The following AMD1 variants were observed in gnomAD, a reference collection of about 807,000 sequenced individuals.
AMD1 encodes adenosylmethionine decarboxylase 1.
Under a neutral mutation model 40.2 loss-of-function variants are expected in AMD1, and 11 were observed. The observed-to-expected ratio is 0.27, with a 90% CI of 0.17 to 0.45. The LOEUF (loss-of-function observed/expected upper bound fraction) is 0.45. Among genes scored for constraint, AMD1 ranks in the 20% least tolerant of loss-of-function variants. AMD1 has a pLI of 1.00. For synonymous variants in AMD1, 121 were observed against 130.8 expected (o/e 0.93, Z 0.51); for missense variants, 257 against 410.2 (o/e 0.63, Z 3.23).
chr6:110,891,591 G>A lies in AMD1; in HGVS notation c.428-570G>A, dbSNP rs576853806. 7.9e-4 allele frequency: 122 copies of A among 154,448 alleles called. 1 individual carries two copies. The highest frequency in any genetic ancestry group is 1.4e-3 in the South Asian group (7 of 5,022). 9.6% of individuals were successfully genotyped at this position (154,448 alleles called of 1,614,324 possible). ...TAATTTAGTAACTTTGCACAAAGTCGCTCATAAGCATGAAAATTGAACTTA... is the reference window on the plus strand; with the variant it reads ...TAATTTAGTAACTTTGCACAAAGTCACTCATAAGCATGAAAATTGAACTTA... On this transcript the variant is annotated intron_variant, in intron 4 of 8. Transcript: ENST00000368885.
upstream of AMD1, among the ~76,000 whole-genome samples, chr6:110,872,388 T>C (rs2115261760): frequency 6.6e-6 from 1 of 152,272 alleles, no homozygotes; most frequent in African/African-American, 2.4e-5. Flanking sequence ...CAATCAGAGG[T>C]ATCTTAAGAA....
At chr6:110,868,773 AG>A in the AMD1 span, among the ~76,000 whole-genome samples, 2 of 152,062 alleles carry the variant, frequency 1.3e-5, no homozygotes, top group Non-Finnish European at 2.9e-5. Flanking sequence ...ATGTAATTCA[AG>A]GCCAGGCGCG....
the AMD1 span, among the ~76,000 whole-genome samples, chr6:110,822,737 C>A: frequency 6.6e-6 from 1 of 152,154 alleles, no homozygotes; most frequent in Non-Finnish European, 1.5e-5. Context: ...TTCTCCATGA[C>A]CAAGTGGGTT....
the AMD1 span, among the ~76,000 whole-genome samples, chr6:110,854,325 C>T: frequency 3.3e-5 from 5 of 152,188 alleles, no homozygotes; most frequent in African/African-American, 1.2e-4. Flanking sequence ...TTAAGCAATA[C>T]ACCACTTCAC....
chr6:110,893,610 G>A lies in AMD1; in HGVS notation c.999G>A (p.Gln333=), dbSNP rs1365493659. 6.2e-7 allele frequency: 1 copy of A among 1,612,670 alleles called. No homozygotes were observed. Among genetic ancestry groups the A allele is most frequent in the East Asian group, 2.2e-5 (1 of 44,894 alleles). The change falls in exon 9 of 9, where the codon CAG becomes CAA. Residue 333 remains glutamine (Q), a synonymous_variant. Transcript: ENST00000368885. ...TTGCTAAGAAGCAGCAACAACAGCA[G>A]AGTTGATTAAGAAAAATGAAGAAAA... ...TSFAKKQQQQ[Q]S
chr6:110,831,443 A>G, the AMD1 span, among the ~76,000 whole-genome samples: 15 of 152,070 alleles, frequency 9.9e-5, no homozygotes, highest in African/African-American at 3.6e-4. Context: ...CGTCTCAAAA[A>G]AAAAAAAAAA....
chr6:110,833,568 A>T, the AMD1 span, among the ~76,000 whole-genome samples: 1 of 152,226 alleles, frequency 6.6e-6, no homozygotes, highest in Non-Finnish European at 1.5e-5. Context: ...TTTATTATTT[A>T]TTTCTCTATA....
At chr6:110,836,668 T>C in the AMD1 span, among the ~76,000 whole-genome samples, 1 of 152,316 alleles carries the variant, frequency 6.6e-6, no homozygotes, top group East Asian at 1.9e-4. Context: ...TATTTGTTTT[T>C]TGTTTTTGTT....
chr6:110,886,830 T>G (rs77697996), intron 1 of AMD1, among the ~76,000 whole-genome samples: 3,599 of 152,330 alleles, frequency 0.024, 122 homozygotes, highest in African/African-American at 0.084. Flanking sequence ...CTTTTTATAA[T>G]GGGCACACTA....
chr6:110,822,020 AG>A, the AMD1 span, among the ~76,000 whole-genome samples: 1 of 152,300 alleles, frequency 6.6e-6, no homozygotes, highest in East Asian at 1.9e-4. Context: ...TCAATGAAAC[AG>A]GTGTTTCCTT....
At chr6:110,829,867 A>T in the AMD1 span, among the ~76,000 whole-genome samples, 2,178 of 152,024 alleles carry the variant, frequency 0.014, 54 homozygotes, top group African/African-American at 0.049. Context: ...AATAATAAAT[A>T]AATTAATTTT....
the AMD1 span, among the ~76,000 whole-genome samples, chr6:110,841,039 G>A: frequency 1.3e-5 from 2 of 152,104 alleles, no homozygotes; most frequent in Non-Finnish European, 2.9e-5. Flanking sequence ...TTGAGACAGA[G>A]TTTCACTCTT....
At chr6:110,829,703 A>G in the AMD1 span, among the ~76,000 whole-genome samples, 1 of 150,298 alleles carries the variant, frequency 6.7e-6, no homozygotes, top group African/African-American at 2.4e-5. Flanking sequence ...AAAATTAACC[A>G]GGCATGGTGG....
At chr6:110,819,128 TGGGCGGATCA>T in the AMD1 span, among the ~76,000 whole-genome samples, 1 of 151,988 alleles carries the variant, frequency 6.6e-6, no homozygotes, top group African/African-American at 2.4e-5. Flanking sequence ...GAGGCCGAGG[TGGGCGGATCA>T]CCTCAGTCCA....
At chr6:110,875,372 G>T (rs1785038252) in intron 1 of AMD1, among the ~76,000 whole-genome samples, 157 bp downstream of exon 1, 1 of 152,160 alleles carries the variant, frequency 6.6e-6, no homozygotes. Flanking sequence ...GCGCGGTTTG[G>T]GGGAGAGCGG....
chr6:110,877,448 G>C (rs1785175872), intron 1 of AMD1, among the ~76,000 whole-genome samples: 1 of 152,284 alleles, frequency 6.6e-6, no homozygotes, highest in South Asian at 2.1e-4. Flanking sequence ...CATGGACGGA[G>C]TCCGGTCGGT....
rs1206482256 is a variant in AMD1 at position 110,889,143 on chromosome 6, G to GAA, written c.324+161_324+162dup. On this transcript the variant is annotated intron_variant, in intron 3 of 8. Coordinates refer to ENST00000368885, the MANE Select transcript of AMD1 (RefSeq NM_001634.6). ...CCTTAGGAAGAGATCTGATTCTCAA[G>GAA]AACAGCAGAAAATAGGAAGCAGAGA... 6 of 688,170 alleles carry GAA rather than the reference G, an allele frequency of 8.7e-6. No individual in the cohort carries two copies. The East Asian group carries it at 2.1e-4, about 24-fold the overall frequency. 42.6% of individuals were successfully genotyped at this position (688,170 alleles called of 1,614,324 possible). A position where few individuals can be genotyped will look rare whatever the true frequency, so the allele number is the denominator to read the frequency against.
At chr6:110,844,499 G>T in the AMD1 span, among the ~76,000 whole-genome samples, 1 of 151,368 alleles carries the variant, frequency 6.6e-6, no homozygotes, top group South Asian at 2.1e-4. Flanking sequence ...GGCTTCTTCT[G>T]GGCTGGGTGT....
the AMD1 span, among the ~76,000 whole-genome samples, chr6:110,822,293 G>A: frequency 0.27 from 41,806 of 152,054 alleles, 6,414 homozygotes; most frequent in East Asian, 0.68. Flanking sequence ...ATTTGAGACT[G>A]CTATGAACAA....
Sources: allele counts gnomAD v4.1 joint callset (sites outside exome capture counted in the v4.1 genomes callset), GRCh38; gene constraint gnomAD v4.1.1; transcripts MANE v1.5; gene names NCBI Gene and HGNC (gene_info 2026-07-23, HGNC 2026-07-21).